The following COMMD1 variants were observed in gnomAD, a reference collection of about 807,000 sequenced individuals.
The protein encoded by COMMD1 is COMM domain-containing protein 1.
COMMD1 carries 10 observed loss-of-function variants against 17.2 expected under a neutral mutation model. The observed-to-expected ratio is 0.58, with a 90% CI of 0.36 to 0.99. The LOEUF is 0.99. COMMD1 is among the 50% of genes least tolerant of loss of function. The probability of loss-of-function intolerance (pLI) is 0.01; values close to 1 mark genes in which losing one functional copy is unlikely to be tolerated. For missense variants in COMMD1, 270 were observed against 231.8 expected, an observed-to-expected ratio of 1.17 and a Z score of -1.07; for synonymous variants, 97 against 91.6, an observed-to-expected ratio of 1.06 and a Z score of -0.34.
chr2:62,037,734 C>A (rs1185683489), intron 2 of COMMD1, among the ~76,000 whole-genome samples: 1 of 152,000 alleles, frequency 6.6e-6, no homozygotes, highest in East Asian at 1.9e-4. Context: ...TGGAGGAGCT[C>A]CAGTTTTATC....
At chr2:61,966,513 T>TA (rs1671509682) in intron 1 of COMMD1, among the ~76,000 whole-genome samples, 1 of 152,220 alleles carries the variant, frequency 6.6e-6, no homozygotes, top group Non-Finnish European at 1.5e-5. Context: ...AATTTGCCTT[T>TA]AAAATGTATT....
chr2:62,049,335 G>A (rs775799275), intron 2 of COMMD1, among the ~76,000 whole-genome samples: 10 of 152,016 alleles, frequency 6.6e-5, no homozygotes, highest in Non-Finnish European at 1.5e-4. Flanking sequence ...TAAGATTATT[G>A]ACATATATTG....
At chr2:61,978,591 A>C (rs1470255505) in intron 1 of COMMD1, among the ~76,000 whole-genome samples, 3 of 152,128 alleles carry the variant, frequency 2.0e-5, no homozygotes, top group Non-Finnish European at 4.4e-5. Flanking sequence ...TAAGAGGAAA[A>C]GTTCCTCTCC....
intron 2 of COMMD1, among the ~76,000 whole-genome samples, chr2:62,030,763 A>C (rs909444339): frequency 1.3e-5 from 2 of 152,138 alleles, no homozygotes; most frequent in East Asian, 1.9e-4. Flanking sequence ...CATTTATTTG[A>C]GTATTTATAT....
intron 1 of COMMD1, among the ~76,000 whole-genome samples, chr2:61,975,522 G>A (rs938782699): frequency 1.3e-5 from 2 of 151,948 alleles, no homozygotes; most frequent in Non-Finnish European, 1.5e-5. Flanking sequence ...CCACATTTTT[G>A]TCAACATTTG....
At chr2:62,059,946 G>A (rs1388520673) in intron 2 of COMMD1, among the ~76,000 whole-genome samples, 2 of 151,426 alleles carry the variant, frequency 1.3e-5, no homozygotes, top group Non-Finnish European at 2.9e-5. Flanking sequence ...TGAATTTTGG[G>A]GGGGGAATTC....
chr2:62,017,059 A>AC (rs1373007335), intron 2 of COMMD1, among the ~76,000 whole-genome samples: 2 of 152,228 alleles, frequency 1.3e-5, no homozygotes. Flanking sequence ...AGCTCTTATC[A>AC]CCCAAGACAT....
intron 1 of COMMD1, among the ~76,000 whole-genome samples, chr2:61,896,916 G>A (rs918245833): frequency 6.8e-5 from 10 of 147,586 alleles, no homozygotes; most frequent in African/African-American, 2.3e-4. Context: ...TGCAACCTCC[G>A]CCTCCCAGGT....
At chr2:61,901,678 A>G (rs922812414), upstream of COMMD1, among the ~76,000 whole-genome samples, 3 of 152,218 alleles carry the variant, frequency 2.0e-5, no homozygotes, top group Admixed American at 6.5e-5. Flanking sequence ...TTTTCATTAA[A>G]TAACTTTTTA....
intron 2 of COMMD1, among the ~76,000 whole-genome samples, chr2:62,017,299 C>A (rs1257277119): frequency 2.0e-5 from 3 of 152,118 alleles, no homozygotes; most frequent in African/African-American, 7.2e-5. Context: ...TTAGTTTGAT[C>A]TTTGATCCTG....
At chr2:61,989,904 G>A (rs1439910619) in intron 1 of COMMD1, among the ~76,000 whole-genome samples, 1 of 152,190 alleles carries the variant, frequency 6.6e-6, no homozygotes, top group Non-Finnish European at 1.5e-5. Context: ...GCAAGATATA[G>A]GCCTGGCAGT....
intron 1 of COMMD1, among the ~76,000 whole-genome samples, chr2:61,916,798 A>G (rs1670063696): frequency 6.6e-6 from 1 of 152,180 alleles, no homozygotes; most frequent in African/African-American, 2.4e-5. Flanking sequence ...ATGTAGTATT[A>G]GGAATTTAGT....
intron 2 of COMMD1, among the ~76,000 whole-genome samples, chr2:62,033,124 GTTTAGATTTTTGAACGAT>G (rs1669953592): frequency 6.6e-6 from 1 of 151,954 alleles, no homozygotes; most frequent in Non-Finnish European, 1.5e-5. Context: ...TACATCTTAG[GTTTAGATTTTTGAACGAT>G]TTATGACTTA....
intron 2 of COMMD1, among the ~76,000 whole-genome samples, chr2:62,040,447 C>T (rs1046977785): frequency 3.3e-5 from 5 of 152,056 alleles, no homozygotes; most frequent in Non-Finnish European, 7.4e-5. Flanking sequence ...ATATCTTTTA[C>T]TTTTCAGAGT....
chr2:62,023,718 T>C (rs765133921), intron 2 of COMMD1, among the ~76,000 whole-genome samples: 8 of 152,076 alleles, frequency 5.3e-5, no homozygotes, highest in Admixed American at 2.6e-4. Flanking sequence ...CTCTTGACCT[T>C]GGGTGTTCCG....
chr2:62,021,231 T>C (rs992306930), intron 2 of COMMD1, among the ~76,000 whole-genome samples: 2 of 152,204 alleles, frequency 1.3e-5, no homozygotes, highest in Non-Finnish European at 2.9e-5. Flanking sequence ...TTAGTATTTT[T>C]TGCGTGTGAG....
intron 2 of COMMD1, among the ~76,000 whole-genome samples, chr2:62,078,760 C>T (rs1671426639): frequency 6.6e-6 from 1 of 151,162 alleles, no homozygotes; most frequent in African/African-American, 2.4e-5. Context: ...GCCTGTAATC[C>T]CAGCCACTCG....
chr2:61,983,485 C>G (rs376732071), intron 1 of COMMD1, among the ~76,000 whole-genome samples: 1 of 151,946 alleles, frequency 6.6e-6, no homozygotes, highest in Non-Finnish European at 1.5e-5. Flanking sequence ...CCACTGCTCC[C>G]GGCCTATAAT....
intron 2 of COMMD1, among the ~76,000 whole-genome samples, chr2:62,028,034 G>A (rs1669813420): frequency 6.6e-6 from 1 of 152,128 alleles, no homozygotes; most frequent in Admixed American, 6.6e-5. Context: ...AGCCTGTTCA[G>A]TGCATTAAAG....
Sources: gnomAD v4.1 joint callset for allele counts (sites outside exome capture counted in the v4.1 genomes callset) on GRCh38, gnomAD v4.1.1 for gene constraint, MANE v1.5 for transcripts, NCBI Gene and HGNC (gene_info 2026-07-23, HGNC 2026-07-21) for gene names.